Variants in PIK3CB observed in about 807,000 individuals in gnomAD.
PIK3CB encodes the protein phosphatidylinositol 4,5-bisphosphate 3-kinase catalytic subunit beta isoform.
A neutral mutation model predicts 136.8 loss-of-function variants in PIK3CB; 39 were observed. The observed-to-expected ratio is 0.29, with a 90% confidence interval of 0.22 to 0.37. PIK3CB has a LOEUF of 0.37. Among genes scored for constraint, PIK3CB ranks in the 10% least tolerant of loss-of-function variants. PIK3CB has a pLI of 1.00. For synonymous variants in PIK3CB, 428 were observed against 436.6 expected (o/e 0.98, Z 0.25); for missense variants, 868 against 1,275.4 (o/e 0.68, Z 4.87).
Position 138,662,165 on chromosome 3 carries a change from G to C in PIK3CB, c.2796+1741C>G, listed in dbSNP as rs981571747. On this transcript the variant is annotated intron_variant, in intron 21 of 23. Transcript: ENST00000674063. ...TAGGGTACATGTGCACAATGTGCCGGTTAGTTACATATGTATACATGTGCC... is the reference window on the plus strand; with the variant it reads ...TAGGGTACATGTGCACAATGTGCCGCTTAGTTACATATGTATACATGTGCC... Among the ~76,000 whole-genome samples, 17 of 148,048 alleles carry C rather than the reference G, an allele frequency of 1.1e-4. No homozygotes were observed. The East Asian group carries it at 3.4e-3, about 30-fold the overall frequency.
At chr3:138,724,270 G>A (rs1023162673) in intron 8 of PIK3CB, among the ~76,000 whole-genome samples, 1 of 152,066 alleles carries the variant, frequency 6.6e-6, no homozygotes, top group African/African-American at 2.4e-5. Context: ...TTATTATAAA[G>A]GATATTACAA....
chr3:138,754,579 C>T (rs1291645488), intron 4 of PIK3CB, among the ~76,000 whole-genome samples: 1 of 152,104 alleles, frequency 6.6e-6, no homozygotes, highest in Non-Finnish European at 1.5e-5. Context: ...TTGTATGATA[C>T]ATAACTATAA....
intron 2 of PIK3CB, among the ~76,000 whole-genome samples, chr3:138,787,327 C>T (rs1320987706): frequency 1.3e-5 from 2 of 150,602 alleles, no homozygotes; most frequent in Non-Finnish European, 3.0e-5. Context: ...GATCGCACCA[C>T]CGCACTCCAG....
intron 2 of PIK3CB, among the ~76,000 whole-genome samples, chr3:138,790,844 T>A (rs1258820339): frequency 1.4e-5 from 2 of 141,274 alleles, no homozygotes; most frequent in African/African-American, 5.5e-5. Flanking sequence ...AAACCCTGAG[T>A]CCCAGCTACT....
At chr3:138,693,343 C>T (rs1185441258) in intron 14 of PIK3CB, among the ~76,000 whole-genome samples, 4 of 151,724 alleles carry the variant, frequency 2.6e-5, no homozygotes, top group Non-Finnish European at 5.9e-5. Flanking sequence ...GATCTGCCTG[C>T]GTTTGTCTCC....
At chr3:138,817,768 C>T (rs776934894) in intron 1 of PIK3CB, among the ~76,000 whole-genome samples, 3 of 152,028 alleles carry the variant, frequency 2.0e-5, no homozygotes, top group Non-Finnish European at 2.9e-5. Context: ...AAAAGGTATA[C>T]GATCTAGAAG....
intron 12 of PIK3CB, among the ~76,000 whole-genome samples, chr3:138,699,738 T>C (rs1340255142): frequency 6.6e-6 from 1 of 151,926 alleles, no homozygotes; most frequent in Non-Finnish European, 1.5e-5. Flanking sequence ...AATAGATGGA[T>C]AAATAAATAT....
Position 138,656,268 on chromosome 3 carries a change from G to GCGTT in PIK3CB, c.2948_2949insAACG (p.Gln984ThrfsTer5). 6.2e-7 allele frequency: 1 copy of GCGTT among 1,614,112 alleles called. No individual in the cohort carries two copies. The highest frequency in any genetic ancestry group is 8.5e-7 in the Non-Finnish European group (1 of 1,180,014). On this transcript the variant is annotated frameshift_variant, in exon 23 of 24. Coordinates refer to ENST00000674063, the MANE Select transcript of PIK3CB (RefSeq NM_006219.3). LOFTEE classifies it high-confidence loss of function. The stretch of plus-strand genomic sequence containing the variant: ...TCAGATATGCATCCTCACAACACTG[G>GCGTT]CGGAACCTTTGGGTGATGCAGCAAA...
chr3:138,664,364 TTTAG>T (rs2043363583), intron 20 of PIK3CB, among the ~76,000 whole-genome samples: 1 of 152,148 alleles, frequency 6.6e-6, no homozygotes, highest in Non-Finnish European at 1.5e-5. Context: ...TTGGGCACAT[TTTAG>T]TTAGTTTTGA....
At chr3:138,658,547 G>A (rs1399659229) in intron 21 of PIK3CB, among the ~76,000 whole-genome samples, 1 of 152,050 alleles carries the variant, frequency 6.6e-6, no homozygotes, top group African/African-American at 2.4e-5. Context: ...TTCTCACTAG[G>A]TGTTTTTCCT....
intron 19 of PIK3CB, among the ~76,000 whole-genome samples, chr3:138,669,676 G>A (rs1407661312): frequency 1.3e-5 from 2 of 152,022 alleles, no homozygotes; most frequent in Non-Finnish European, 2.9e-5. Flanking sequence ...GATCTAAGCT[G>A]ACATGAAAGG....
chr3:138,698,222 T>C (rs1177571839), intron 13 of PIK3CB, among the ~76,000 whole-genome samples: 1 of 152,184 alleles, frequency 6.6e-6, no homozygotes, highest in East Asian at 1.9e-4. Flanking sequence ...TGAACTGAAA[T>C]AAGTAACATG....
intron 19 of PIK3CB, among the ~76,000 whole-genome samples, chr3:138,679,525 T>C (rs926452113): frequency 6.6e-6 from 1 of 152,004 alleles, no homozygotes; most frequent in Non-Finnish European, 1.5e-5. Flanking sequence ...TTAGAATTTA[T>C]ATACTGTTTG....
At chr3:138,745,846 C>T (rs2045344919) in intron 4 of PIK3CB, among the ~76,000 whole-genome samples, 1 of 152,146 alleles carries the variant, frequency 6.6e-6, no homozygotes, top group Non-Finnish European at 1.5e-5. Context: ...TTGCACAAAA[C>T]AGTAGTTAGC....
intron 2 of PIK3CB, among the ~76,000 whole-genome samples, chr3:138,768,616 G>A (rs541272441): frequency 1.3e-5 from 2 of 152,310 alleles, no homozygotes; most frequent in African/African-American, 4.8e-5. Flanking sequence ...AAACCTGTCT[G>A]CCTCCTGTTG....
intron 2 of PIK3CB, among the ~76,000 whole-genome samples, chr3:138,765,671 CCT>C (rs2045723691): frequency 7.4e-6 from 1 of 134,342 alleles, no homozygotes; most frequent in African/African-American, 2.6e-5. Flanking sequence ...GGCAAAACCC[CCT>C]CTCTTCAAAA....
chr3:138,777,317 A>G (rs1405493279), intron 2 of PIK3CB, among the ~76,000 whole-genome samples: 2 of 152,196 alleles, frequency 1.3e-5, no homozygotes, highest in Non-Finnish European at 2.9e-5. Flanking sequence ...ACTAATTCCC[A>G]GGTTTAAGAA....
Position 138,755,832 on chromosome 3 carries a change from G to A in PIK3CB, c.319C>T (p.Pro107Ser). Residue 107 changes from proline to serine, a missense_variant, in exon 4 of 24, where the codon CCA (proline) becomes TCA (serine). Transcript: ENST00000674063. ...CTTCTTGTCACTAATTTGAGAACTG[G>A]AAGAAAAGGTCTGACATCACAGAGT... ...RRLCDVRPFL[P>S]VLKLVTRSCD... The A allele has an allele frequency of 6.2e-7, 1 of 1,613,032 alleles. No individual in the cohort carries two copies. The highest frequency in any genetic ancestry group is 8.5e-7 in the Non-Finnish European group (1 of 1,179,378).
chr3:138,715,664 T>C (rs548395861), intron 8 of PIK3CB, among the ~76,000 whole-genome samples: 3 of 152,042 alleles, frequency 2.0e-5, no homozygotes, highest in African/African-American at 7.2e-5. Context: ...ACTTCATCTA[T>C]AGATATTAAA....
Sources: gnomAD v4.1 joint callset for allele counts (sites outside exome capture counted in the v4.1 genomes callset) on GRCh38, gnomAD v4.1.1 for gene constraint, MANE v1.5 for transcripts, NCBI Gene and HGNC (gene_info 2026-07-23, HGNC 2026-07-21) for gene names.